The following SIRT5 variants were observed in gnomAD, a reference collection of about 807,000 sequenced individuals.
SIRT5 encodes NAD-dependent protein deacylase sirtuin-5, mitochondrial.
A neutral mutation model predicts 40.0 loss-of-function variants in SIRT5; 26 were observed. The observed-to-expected ratio is 0.65, with a 90% CI of 0.48 to 0.90. The LOEUF (loss-of-function observed/expected upper bound fraction) is 0.90. SIRT5 is among the 40% of genes least tolerant of loss of function. The pLI, the probability that SIRT5 is intolerant of heterozygous loss-of-function variation, is 0.00. For missense variants in SIRT5, 401 were observed against 402.4 expected, an observed-to-expected ratio of 1.00 and a Z score of 0.03; for synonymous variants, 146 against 149.1, an observed-to-expected ratio of 0.98 and a Z score of 0.15.
At chr6:13,606,984 CTT>C (rs74503844) in intron 9 of SIRT5, among the ~76,000 whole-genome samples, 41 of 135,680 alleles carry the variant, frequency 3.0e-4, no homozygotes, top group Non-Finnish European at 2.9e-4. Flanking sequence ...ACTTGGCCTG[CTT>C]TTTTTTTTTT....
intron 9 of SIRT5, chr6:13,605,092 T>C: frequency 7.1e-6 from 7 of 985,998 alleles, no homozygotes; most frequent in Non-Finnish European, 7.2e-6. Context: ...TTGAGAGGAC[T>C]GTTTAAACAC....
rs530474979 is a variant in SIRT5 at position 13,604,946 on chromosome 6, A to G, written c.857+3997A>G. ...GACCACAAGAACTGTCATCTCATCA[A>G]TGAAGGAGTAACTGATCAATGAAGC... On this transcript the variant is annotated intron_variant, in intron 9 of 9. Coordinates refer to ENST00000606117, the MANE Select transcript of SIRT5 (RefSeq NM_012241.5). 1.3e-5 allele frequency: 13 copies of G among 992,400 alleles called. No homozygotes were observed. In the South Asian group the frequency reaches 2.7e-4, roughly 21 times the overall value. The allele number at this position is 992,400 out of a possible 1,614,324, so 61.5% of individuals were successfully genotyped here.
chr6:13,604,747 A>G (rs752314445), intron 9 of SIRT5: 5 of 1,290,128 alleles, frequency 3.9e-6, no homozygotes, highest in African/African-American at 1.5e-5. Flanking sequence ...GGCATGTAAT[A>G]TATATCACTG....
Position 13,600,862 on chromosome 6 carries a change from C to A in SIRT5, c.770C>A (p.Ala257Glu). The change falls in exon 9 of 10, where the codon GCA becomes GAA. Residue 257 changes from alanine (A) to glutamate (E), a missense_variant. Ala to Glu is a moderately radical substitution (Grantham distance 107, BLOSUM62 -1). Transcript: ENST00000606117. ...VVGTSSVVYP[A>E]AMFAPQVAAR... ...GGCACTTCCTCTGTGGTGTACCCAG[C>A]AGCCATGTTTGCCCCCCAGGTGGCT... is the stretch of plus-strand genomic sequence containing the variant. 1 of 1,614,066 alleles carries A rather than the reference C, an allele frequency of 6.2e-7. No homozygotes were observed. Among genetic ancestry groups the A allele is most frequent in the Non-Finnish European group, 8.5e-7 (1 of 1,179,976 alleles).
At position 13,584,157 on chromosome 6, in the gene SIRT5, A is replaced by C; in HGVS notation, c.47A>C (p.Tyr16Ser). 6.2e-7 allele frequency: 1 copy of C among 1,614,160 alleles called. No individual in the cohort carries two copies. Among genetic ancestry groups the C allele is most frequent in the East Asian group, 2.2e-5 (1 of 44,888 alleles). The change falls in exon 3 of 10, where the codon TAT becomes TCT. Residue 16 changes from tyrosine (Y) to serine (S), a missense_variant. Transcript: ENST00000606117. Reference protein sequence around the residue: ...IVPSRLISQLYCGLKPPASTR... With the variant: ...IVPSRLISQLSCGLKPPASTR... ...CCAAGTCGATTGATTTCCCAGCTAT[A>C]TTGTGGCCTGAAGCCTCCAGCGTCC... is the stretch of plus-strand genomic sequence containing the variant.
intron 8 of SIRT5, among the ~76,000 whole-genome samples, chr6:13,600,323 C>T (rs1762208236): frequency 6.6e-6 from 1 of 152,104 alleles, no homozygotes. Flanking sequence ...AGCCGGTTTA[C>T]AAAACAGGTC....
At chr6:13,576,955 A>C (rs1238741655) in intron 1 of SIRT5, among the ~76,000 whole-genome samples, 1 of 152,164 alleles carries the variant, frequency 6.6e-6, no homozygotes, top group Non-Finnish European at 1.5e-5. Flanking sequence ...AAATCAATTG[A>C]CTGTAAATAC....
At chr6:13,599,356 A>G (rs950019992) in intron 8 of SIRT5, among the ~76,000 whole-genome samples, 1 of 152,300 alleles carries the variant, frequency 6.6e-6, no homozygotes, top group South Asian at 2.1e-4. Context: ...ATGAATAAGA[A>G]TTTGTATTAA....
intron 8 of SIRT5, among the ~76,000 whole-genome samples, chr6:13,600,302 T>C (rs1762205553): frequency 6.6e-6 from 1 of 152,188 alleles, no homozygotes; most frequent in African/African-American, 2.4e-5. Flanking sequence ...GATGGATTGT[T>C]AAATGAGAAA....
At chr6:13,601,059 T>G (rs1762314280) in intron 9 of SIRT5, 110 bp downstream of exon 9, 1 of 772,222 alleles carries the variant, frequency 1.3e-6, no homozygotes, top group Admixed American at 3.0e-5. Context: ...ATAGGGTTTG[T>G]GTTTTTTTGT....
chr6:13,609,007 A>G (rs1763489776), intron 9 of SIRT5, among the ~76,000 whole-genome samples: 1 of 152,162 alleles, frequency 6.6e-6, no homozygotes, highest in Admixed American at 6.5e-5. Context: ...TTTTTAGTAG[A>G]GACAGGGTTT....
In SIRT5 at chr6:13,596,825, G is replaced by A; in HGVS notation, c.564-138G>A. The stretch of plus-strand genomic sequence containing the variant: ...ATGGCTTGGGGTCCTTCCTTCTAAT[G>A]CCCTTCCAAGTGAGCATGTATTAAT... On this transcript the variant is annotated intron_variant, in intron 6 of 9. Transcript: ENST00000606117. 6 of 647,192 alleles carry A rather than the reference G, an allele frequency of 9.3e-6. No homozygotes were observed. In the South Asian group the frequency reaches 1.2e-4, roughly 13 times the overall value. The allele number at this position is 647,192 out of a possible 1,614,324, so 40.1% of individuals were successfully genotyped here. A position where few individuals can be genotyped will look rare whatever the true frequency, so the allele number is the denominator to read the frequency against.
In SIRT5 at chr6:13,615,151, G is replaced by A; in HGVS notation, c.*3286G>A. 1.9e-6 allele frequency: 1 copy of A among 525,500 alleles called. No homozygotes were observed. The highest frequency in any genetic ancestry group is 3.2e-6 in the Non-Finnish European group (1 of 309,848). 32.6% of individuals were successfully genotyped at this position (525,500 alleles called of 1,614,324 possible). On this transcript the variant is annotated 3_prime_UTR_variant, in exon 10 of 10. Transcript: ENST00000606117. ...CTTTCGCCGGCAGAGCATTTTCCGT[G>A]GGGTCCATCCGGCTCCAAGGCGGCC...
chr6:13,605,483 C>CT, intron 9 of SIRT5: 2 of 985,332 alleles, frequency 2.0e-6, no homozygotes, highest in Non-Finnish European at 2.4e-6. Context: ...AGCTAGAATG[C>CT]TGCCTATATT....
chr6:13,612,571 C>T lies in SIRT5; in HGVS notation c.*706C>T, dbSNP rs2841521. 0.5 allele frequency: 76,116 copies of T among 152,006 alleles called. 20,116 individuals carry two copies. Among genetic ancestry groups the T allele is most frequent in the Admixed American group, 0.6 (9,230 of 15,266 alleles). The allele number at this position is 152,006 out of a possible 1,614,324, so 9.4% of individuals were successfully genotyped here. A position where few individuals can be genotyped will look rare whatever the true frequency, so the allele number is the denominator to read the frequency against. On this transcript the variant is annotated 3_prime_UTR_variant, in exon 10 of 10. Coordinates refer to ENST00000606117, the MANE Select transcript of SIRT5 (RefSeq NM_012241.5). ...GTCAGGCTGGTCTTAAACTCTCGAC[C>T]TCAGGTGATCTGCCCGCCTCGGCCT...
intron 7 of SIRT5, among the ~76,000 whole-genome samples, chr6:13,597,702 C>A (rs141549862): frequency 1.3e-5 from 2 of 152,168 alleles, no homozygotes; most frequent in African/African-American, 4.8e-5. Flanking sequence ...CCCGCCACCA[C>A]GCCTGGCTAT....
rs2127659238 is a variant in SIRT5, at chr6:13,591,868, G to C, written c.449G>C (p.Gly150Ala). ...ATCGATGAGCTGCACCGCAAGGCTGGCACCAAGAACCTTCTGGAGATCCAT... is the reference window on the plus strand; with the variant it reads ...ATCGATGAGCTGCACCGCAAGGCTGCCACCAAGAACCTTCTGGAGATCCAT... ...QNIDELHRKA[G>A]TKNLLEIHGS... Residue 150 changes from glycine to alanine, a missense_variant, in exon 5 of 10, where the codon GGC becomes GCC. Transcript: ENST00000606117. 1 of 1,613,836 alleles carries C rather than the reference G, an allele frequency of 6.2e-7. No homozygotes were observed. The highest frequency in any genetic ancestry group is 2.2e-5 in the East Asian group (1 of 44,872).
At chr6:13,606,304 G>A (rs923744511) in intron 9 of SIRT5, among the ~76,000 whole-genome samples, 1 of 152,204 alleles carries the variant, frequency 6.6e-6, no homozygotes, top group Non-Finnish European at 1.5e-5. Flanking sequence ...GGAGAGGCGA[G>A]CAGTAAAGTA....
At chr6:13,601,314 T>C (rs77316557) in intron 9 of SIRT5, among the ~76,000 whole-genome samples, 1,600 of 152,316 alleles carry the variant, frequency 0.011, 27 homozygotes, top group African/African-American at 0.037. Context: ...CAGAACCTCA[T>C]CACCTGCCGT....
Sources: gnomAD v4.1 joint callset for allele counts (sites outside exome capture counted in the v4.1 genomes callset) on GRCh38, gnomAD v4.1.1 for gene constraint, MANE v1.5 for transcripts, NCBI Gene and HGNC (gene_info 2026-07-23, HGNC 2026-07-21) for gene names.